Variants in OTOGL observed in about 807,000 individuals in gnomAD.
The protein encoded by OTOGL is otogelin-like protein.
A neutral mutation model predicts 318.5 loss-of-function variants in OTOGL; 285 were observed. The observed-to-expected ratio is 0.89, with a 90% CI of 0.81 to 0.99. The LOEUF is 0.99. OTOGL is among the 50% of genes least tolerant of loss of function. OTOGL has a pLI of 0.00. For missense variants in OTOGL, 2,899 were observed against 2,845.6 expected, an observed-to-expected ratio of 1.02 and a Z score of -0.43; for synonymous variants, 987 against 936.5, an observed-to-expected ratio of 1.05 and a Z score of -0.99.
chr12:80,357,015 CTGATG>C, intron 49 of OTOGL, 101 bp downstream of exon 49: 1 of 598,198 alleles, frequency 1.7e-6, no homozygotes, highest in East Asian at 3.2e-5. Context: ...AAGCAATATT[CTGATG>C]TTATAAGAAT....
At chr12:80,186,789 T>C (rs552229465) in intron 1 of OTOGL, among the ~76,000 whole-genome samples, 1 of 151,622 alleles carries the variant, frequency 6.6e-6, no homozygotes, top group East Asian at 1.9e-4. Flanking sequence ...TTAAAAACTG[T>C]TTGAAGTTTT....
At chr12:80,350,883 T>C (rs1889499790) in intron 44 of OTOGL, among the ~76,000 whole-genome samples, 1 of 152,214 alleles carries the variant, frequency 6.6e-6, no homozygotes, top group South Asian at 2.1e-4. Flanking sequence ...TTGTTTACTT[T>C]GCTGTGCAGA....
chr12:80,188,641 G>A (rs898674564), intron 1 of OTOGL, among the ~76,000 whole-genome samples: 5 of 151,618 alleles, frequency 3.3e-5, no homozygotes, highest in Non-Finnish European at 7.4e-5. Context: ...AAAAACAAAG[G>A]AAACTCCCTC....
chr12:80,283,739 CAATGTGAAGT>C (rs1884404760), intron 26 of OTOGL, among the ~76,000 whole-genome samples: 1 of 152,034 alleles, frequency 6.6e-6, no homozygotes, highest in African/African-American at 2.4e-5. Flanking sequence ...CACGAGCTTT[CAATGTGAAGT>C]TTTTAGAGCA....
intron 1 of OTOGL, among the ~76,000 whole-genome samples, chr12:80,170,617 A>G (rs1272193691): frequency 1.3e-5 from 2 of 151,770 alleles, no homozygotes; most frequent in Non-Finnish European, 1.5e-5. Flanking sequence ...TATTTTTAGA[A>G]GAGATGGGGT....
chr12:80,232,846 G>C (rs1022209722), intron 8 of OTOGL, 46 bp from the exon 9 acceptor site: 1 of 1,464,290 alleles, frequency 6.8e-7, no homozygotes, highest in African/African-American at 1.4e-5. Context: ...ATCTGTAATT[G>C]AGACTTTATC....
Position 80,356,487 on chromosome 12 carries a change from A to G in OTOGL, c.5878A>G (p.Ser1960Gly). Residue 1960 changes from serine to glycine, a missense_variant, in exon 48 of 59, where the codon AGT (serine) becomes GGT (glycine). Around this residue, in one of 3 missense-constraint regions of OTOGL, gnomAD observed 2,607 missense variants for 2,524.9 expected, o/e 1.03. Transcript: ENST00000547103. ...TNSQKLIVGH[S>G]PLSCCPQYKC... The stretch of plus-strand genomic sequence containing the variant: ...TAGTCAAAAATTGATTGTTGGCCAC[A>G]GTCCTCTTTCTTGCTGTCCACAGTA... 1 of 1,611,884 alleles carries G rather than the reference A, an allele frequency of 6.2e-7. No homozygotes were observed. The highest frequency in any genetic ancestry group is 8.5e-7 in the Non-Finnish European group (1 of 1,178,804).
intron 43 of OTOGL, 32 bp downstream of exon 43, chr12:80,339,296 C>CTTTTT (rs764771874): frequency 1.3e-4 from 56 of 434,088 alleles, no homozygotes; most frequent in South Asian, 3.1e-4. Context: ...TTGATTTCGT[C>CTTTTT]TGTTTTTTTT....
chr12:80,330,800 T>C (rs1399761382), intron 37 of OTOGL, among the ~76,000 whole-genome samples: 1 of 152,192 alleles, frequency 6.6e-6, no homozygotes, highest in Non-Finnish European at 1.5e-5. Flanking sequence ...GCAAGAGCAA[T>C]ACACAAAAAT....
chr12:80,305,753 C>A, intron 29 of OTOGL, 58 bp downstream of exon 29: 1 of 1,290,272 alleles, frequency 7.8e-7, no homozygotes, highest in South Asian at 1.9e-5. Flanking sequence ...TATTTTTTCA[C>A]TAGAACATTT....
chr12:80,222,953 A>ATGAATAAGTTCGTTAG (rs11271630), intron 7 of OTOGL, among the ~76,000 whole-genome samples: 29,288 of 151,718 alleles, frequency 0.19, 5,002 homozygotes, highest in African/African-American at 0.46. Flanking sequence ...GTTTGGTTAC[A>ATGAATAAGTTCGTTAG]TGTTGATTTC....
intron 52 of OTOGL, chr12:80,361,118 C>T (rs565828840): frequency 4.6e-4 from 70 of 151,528 alleles, no homozygotes; most frequent in African/African-American, 1.6e-3. Context: ...ATCCTTTGGC[C>T]AACATGTCCT....
At chr12:80,342,910 C>T (rs1347397239) in intron 44 of OTOGL, among the ~76,000 whole-genome samples, 1 of 152,130 alleles carries the variant, frequency 6.6e-6, no homozygotes, top group Non-Finnish European at 1.5e-5. Flanking sequence ...TTGAGACAGT[C>T]TCACTTGGTC....
chr12:80,217,550 G>T, intron 4 of OTOGL, 48 bp from the exon 5 acceptor site: 1 of 1,291,580 alleles, frequency 7.7e-7, no homozygotes, highest in South Asian at 1.3e-5. Flanking sequence ...TGTTTGGCTT[G>T]AATTAAATAA....
chr12:80,269,516 T>G (rs1032358480), intron 22 of OTOGL, among the ~76,000 whole-genome samples: 3 of 152,192 alleles, frequency 2.0e-5, no homozygotes, highest in Non-Finnish European at 4.4e-5. Context: ...GGAGCTAGCC[T>G]CTGCCTCTTT....
intron 1 of OTOGL, among the ~76,000 whole-genome samples, chr12:80,130,698 A>G (rs1358756149): frequency 6.6e-6 from 1 of 152,202 alleles, no homozygotes; most frequent in Admixed American, 6.5e-5. Context: ...TGAACACCAA[A>G]GAGGGGGGCA....
At chr12:80,105,919 AC>A (rs1190045539) in intron 1 of OTOGL, among the ~76,000 whole-genome samples, 5 of 152,202 alleles carry the variant, frequency 3.3e-5, no homozygotes, top group Non-Finnish European at 7.4e-5. Context: ...CTGGGAAAAA[AC>A]ATCAACCATT....
Position 80,356,468 on chromosome 12 carries a change from A to T in OTOGL, c.5859A>T (p.Gln1953His). The T allele has an allele frequency of 6.2e-7, 1 of 1,612,618 alleles. No individual in the cohort carries two copies. Among genetic ancestry groups the T allele is most frequent in the Non-Finnish European group, 8.5e-7 (1 of 1,179,302 alleles). ...GCATTCCAACATGTACAAATAGTCA[A>T]AAATTGATTGTTGGCCACAGTCCTC... ...ETSIPTCTNSQKLIVGHSPLS... is the reference protein window; with the variant it reads ...ETSIPTCTNSHKLIVGHSPLS... The change falls in exon 48 of 59, where the codon CAA (glutamine) becomes CAT (histidine). Residue 1953 changes from glutamine (Q) to histidine (H), a missense_variant. Gln to His is a conservative substitution (Grantham distance 24). Transcript: ENST00000547103.
At chr12:80,128,917 G>T (rs1406316947) in intron 1 of OTOGL, among the ~76,000 whole-genome samples, 1 of 152,164 alleles carries the variant, frequency 6.6e-6, no homozygotes, top group Non-Finnish European at 1.5e-5. Flanking sequence ...GGAGTGACCT[G>T]ATTTTCCAGG....
Sources: allele counts gnomAD v4.1 joint callset (sites outside exome capture counted in the v4.1 genomes callset), GRCh38; gene constraint gnomAD v4.1.1; regional missense constraint gnomAD v4.1.1; transcripts MANE v1.5; gene names NCBI Gene and HGNC (gene_info 2026-07-23, HGNC 2026-07-21).